The following RGL1 variants were observed in gnomAD, a reference collection of about 807,000 sequenced individuals.
RGL1 encodes ral guanine nucleotide dissociation stimulator-like 1.
In RGL1, 24 loss-of-function variants were observed where a neutral mutation model predicts 95.2. The ratio of observed to expected loss-of-function variants is 0.25; its 90% CI spans 0.18 to 0.35. The LOEUF (loss-of-function observed/expected upper bound fraction) is 0.35. Among genes scored for constraint, RGL1 ranks in the 10% least tolerant of loss-of-function variants. The pLI, the probability that RGL1 is intolerant of heterozygous loss-of-function variation, is 1.00. For synonymous variants in RGL1, 329 were observed against 344.9 expected, an observed-to-expected ratio of 0.95 and a Z score of 0.51; for missense variants, 715 against 936.3, an observed-to-expected ratio of 0.76 and a Z score of 3.08.
intron 2 of RGL1, among the ~76,000 whole-genome samples, chr1:183,829,922 A>G (rs1348399813): frequency 2.6e-5 from 4 of 152,092 alleles, no homozygotes; most frequent in African/African-American, 9.7e-5. Flanking sequence ...GCAGCTTTTT[A>G]TAGGGAGCAA....
chr1:183,927,169 TG>T lies in RGL1; in HGVS notation c.*878del, dbSNP rs1417957136. On this transcript the variant is annotated 3_prime_UTR_variant, in exon 18 of 18. Transcript: ENST00000360851. ...CAGAAAAGAAAGCGCAAAAGAATGG[TG>T]ACTCATTTGGACTCTTATCTGTCTT... 2 of 152,642 alleles carry T rather than the reference TG, an allele frequency of 1.3e-5. No individual in the cohort carries two copies. Among genetic ancestry groups the T allele is most frequent in the African/African-American group, 4.8e-5 (2 of 41,440 alleles). The allele number at this position is 152,642 out of a possible 1,614,324, so 9.5% of individuals were successfully genotyped here.
intron 2 of RGL1, among the ~76,000 whole-genome samples, chr1:183,776,179 C>T (rs369170898): frequency 6.1e-5 from 8 of 130,618 alleles, no homozygotes; most frequent in East Asian, 4.5e-4. Context: ...GACGGAGTCT[C>T]GCTCTGTCGC....
At chr1:183,855,702 AG>A (rs1665096736) in intron 3 of RGL1, among the ~76,000 whole-genome samples, 1 of 152,218 alleles carries the variant, frequency 6.6e-6, no homozygotes, top group Non-Finnish European at 1.5e-5. Context: ...TGTCGCCTCT[AG>A]GGTCACCAGC....
intron 10 of RGL1, 131 bp from the exon 11 acceptor site, chr1:183,900,019 A>G (rs1667925943): frequency 8.5e-6 from 5 of 589,144 alleles, no homozygotes; most frequent in Admixed American, 6.0e-5. Context: ...AAAAAATGTT[A>G]TTCATGGAGG....
At chr1:183,692,437 A>G (rs1416511827) in intron 1 of RGL1, among the ~76,000 whole-genome samples, 2 of 152,212 alleles carry the variant, frequency 1.3e-5, no homozygotes, top group Non-Finnish European at 2.9e-5. Context: ...ATTAAAGGGC[A>G]TTCAGGAGCA....
At position 183,922,975 on chromosome 1, in the gene RGL1, C is replaced by T. The variant is rs116057106; in HGVS notation, c.2119+639C>T. 6.0e-3 allele frequency among the ~76,000 whole-genome samples: 915 copies of T among 152,250 alleles called. 5 individuals carry two copies. Among genetic ancestry groups the T allele is most frequent in the Non-Finnish European group, 7.8e-3 (528 of 68,016 alleles). ...GGGAAATAATCACCCTTGCATGTATCTGTCTGCTAATATGAATTTGGGGAT... is the reference window on the plus strand; with the variant it reads ...GGGAAATAATCACCCTTGCATGTATTTGTCTGCTAATATGAATTTGGGGAT... On this transcript the variant is annotated intron_variant, in intron 17 of 17. Transcript: ENST00000360851.
upstream of RGL1, among the ~76,000 whole-genome samples, chr1:183,801,641 T>G (rs529533102): frequency 6.6e-6 from 1 of 152,344 alleles, no homozygotes; most frequent in East Asian, 1.9e-4. Context: ...AAGGAATACC[T>G]GAGAGCAGGT....
intron 2 of RGL1, among the ~76,000 whole-genome samples, chr1:183,815,272 T>G (rs542869190): frequency 7.1e-5 from 1 of 14,162 alleles, no homozygotes; most frequent in Admixed American, 7.7e-4. Context: ...AAACTCCATC[T>G]CAAAAAAAAA....
intron 1 of RGL1, among the ~76,000 whole-genome samples, chr1:183,690,544 C>T (rs1653879438): frequency 6.6e-6 from 1 of 152,090 alleles, no homozygotes; most frequent in Admixed American, 6.5e-5. Flanking sequence ...CACTAACATG[C>T]TGTATCTTTA....
At chr1:183,827,785 T>C (rs1028158937) in intron 2 of RGL1, among the ~76,000 whole-genome samples, 1 of 152,274 alleles carries the variant, frequency 6.6e-6, no homozygotes, top group Non-Finnish European at 1.5e-5. Flanking sequence ...CAATATAATA[T>C]AAGTTTTTAA....
At chr1:183,842,957 G>A (rs568658242) in intron 2 of RGL1, among the ~76,000 whole-genome samples, 1 of 152,238 alleles carries the variant, frequency 6.6e-6, no homozygotes, top group African/African-American at 2.4e-5. Context: ...AGTATTTTTT[G>A]TGTTTCCCCT....
intron 1 of RGL1, among the ~76,000 whole-genome samples, chr1:183,725,137 G>A (rs1359122061): frequency 6.6e-6 from 1 of 152,138 alleles, no homozygotes; most frequent in Non-Finnish European, 1.5e-5. Flanking sequence ...AAGTCTGCAA[G>A]AGCCACAGCG....
intron 2 of RGL1, among the ~76,000 whole-genome samples, chr1:183,835,453 C>G (rs1663580112): frequency 6.6e-6 from 1 of 152,182 alleles, no homozygotes; most frequent in South Asian, 2.1e-4. Flanking sequence ...GATTCCCAGT[C>G]TGTATTACCC....
intron 8 of RGL1, among the ~76,000 whole-genome samples, chr1:183,891,163 A>G (rs1435882647): frequency 6.6e-6 from 1 of 152,172 alleles, no homozygotes; most frequent in East Asian, 1.9e-4. Flanking sequence ...TATTTAGAGT[A>G]ATATTACACT....
intron 1 of RGL1, among the ~76,000 whole-genome samples, chr1:183,739,160 T>C (rs1289367766): frequency 6.6e-6 from 1 of 152,184 alleles, no homozygotes; most frequent in Non-Finnish European, 1.5e-5. Flanking sequence ...TGGTCAGAAG[T>C]TGAGATGTCA....
chr1:183,920,039 C>CTTTT (rs34791923), intron 16 of RGL1, among the ~76,000 whole-genome samples: 1 of 146,268 alleles, frequency 6.8e-6, no homozygotes, highest in African/African-American at 2.5e-5. Context: ...CTTTCAAAAA[C>CTTTT]TTTTTTTTTT....
In RGL1 at chr1:183,905,369, G is replaced by A. The variant is rs559896226; in HGVS notation, c.1472+398G>A. Among the ~76,000 whole-genome samples, 30 of 152,210 alleles carry A rather than the reference G, an allele frequency of 2.0e-4. 1 individual carries two copies. The South Asian group carries it at 6.2e-3, about 32-fold the overall frequency. ...CCTGTTAATTGATGGTAGCTTTCCA[G>A]GAAGCTTTCAACCTAGAGGGGTTGA... On this transcript the variant is annotated intron_variant, in intron 13 of 17. Transcript: ENST00000360851.
intron 2 of RGL1, among the ~76,000 whole-genome samples, chr1:183,756,540 G>T (rs1311799727): frequency 1.3e-5 from 2 of 152,178 alleles, no homozygotes; most frequent in Non-Finnish European, 2.9e-5. Context: ...GACATGTTCA[G>T]ATTTGTTTTT....
intron 2 of RGL1, among the ~76,000 whole-genome samples, chr1:183,833,837 G>T (rs138522249): frequency 6.6e-6 from 1 of 152,032 alleles, no homozygotes; most frequent in Non-Finnish European, 1.5e-5. Context: ...ATTTTATATC[G>T]ATTCGGTTAA....
Sources: allele counts gnomAD v4.1 joint callset (sites outside exome capture counted in the v4.1 genomes callset), GRCh38; gene constraint gnomAD v4.1.1; transcripts MANE v1.5; gene names NCBI Gene and HGNC (gene_info 2026-07-23, HGNC 2026-07-21).